The following FBXL16 variants were observed in gnomAD, a reference collection of about 807,000 sequenced individuals.
The protein encoded by FBXL16 is F-box/LRR-repeat protein 16.
In FBXL16, 7 loss-of-function variants were observed where a neutral mutation model predicts 36.7. That is an observed-to-expected ratio of 0.19 (90% CI 0.11 to 0.36). The LOEUF (loss-of-function observed/expected upper bound fraction) is 0.36. FBXL16 is among the 10% of genes least tolerant of loss of function. FBXL16 has a pLI of 1.00. For synonymous variants in FBXL16, 355 were observed against 308.7 expected (o/e 1.15, Z -1.57); for missense variants, 463 against 659.4 (o/e 0.70, Z 3.26).
At chr16:702,715 T>C (rs2040066282) in intron 1 of FBXL16, among the ~76,000 whole-genome samples, 1 of 152,124 alleles carries the variant, frequency 6.6e-6, no homozygotes, top group South Asian at 2.1e-4. Flanking sequence ...GAGAGTGGCC[T>C]CTGGGGTTGG....
chr16:704,327 G>C (rs1177637101), intron 1 of FBXL16, among the ~76,000 whole-genome samples: 1 of 152,204 alleles, frequency 6.6e-6, no homozygotes, highest in African/African-American at 2.4e-5. Flanking sequence ...GAGGCAGTGA[G>C]TCTGTCGATG....
Position 695,585 on chromosome 16 carries a change from C to A in FBXL16, c.972G>T (p.Ala324=), listed in dbSNP as rs1240423076. The part of the protein sequence containing the change: ...NVVHSLPNLT[A]LSLSGCSKVT... ...CCTTGGAGCAGCCCGAGAGGCTGAG[C>A]GCGGTGAGGTTGGGCAGGCTGTGCA... is the stretch of plus-strand genomic sequence containing the variant. Residue 324 remains alanine, a synonymous_variant, in exon 3 of 6, where the codon GCG becomes GCT. Transcript: ENST00000397621. 12 of 1,605,666 alleles carry A rather than the reference C, an allele frequency of 7.5e-6. No homozygotes were observed. The highest frequency in any genetic ancestry group is 1.0e-5 in the Non-Finnish European group (12 of 1,178,962).
chr16:700,416 G>A (rs1314588147), intron 1 of FBXL16, among the ~76,000 whole-genome samples: 2 of 152,110 alleles, frequency 1.3e-5, no homozygotes, highest in Non-Finnish European at 2.9e-5. Flanking sequence ...TCCGGAGGCC[G>A]ACATCACAAC....
rs1303116928 is a variant in FBXL16, at chr16:695,892, C to T, written c.665G>A (p.Arg222His). ...VMLEQMQGVVRLELSGCNDFT... is the reference protein window; with the variant it reads ...VMLEQMQGVVHLELSGCNDFT... Reference sequence around the variant, plus strand: ...GTCGTTGCAGCCCGACAGCTCCAGACGCACCACGCCCTGCATCTGTTCAAG... The same window carrying T: ...GTCGTTGCAGCCCGACAGCTCCAGATGCACCACGCCCTGCATCTGTTCAAG... Residue 222 changes from arginine to histidine, a missense_variant, in exon 3 of 6, where the codon CGT becomes CAT. By Grantham distance (29) the Arg-to-His change is conservative (BLOSUM62 0). Transcript: ENST00000397621. 1.3e-6 allele frequency: 2 copies of T among 1,597,344 alleles called. No homozygotes were observed. Among genetic ancestry groups the T allele is most frequent in the African/African-American group, 2.7e-5 (2 of 74,672 alleles).
intron 1 of FBXL16, among the ~76,000 whole-genome samples, chr16:705,292 C>T (rs1370595595): frequency 6.6e-6 from 1 of 152,004 alleles, no homozygotes; most frequent in Admixed American, 6.5e-5. Context: ...GGCCCTCTTC[C>T]GGGCCAGGGG....
chr16:695,184 G>T, intron 3 of FBXL16, 108 bp from the exon 4 acceptor site: 1 of 1,262,606 alleles, frequency 7.9e-7, no homozygotes, highest in Non-Finnish European at 1.1e-6. Context: ...CCCACCCGGA[G>T]CAGCCGCTGG....
chr16:704,693 G>C (rs948667332), intron 1 of FBXL16, among the ~76,000 whole-genome samples: 1 of 152,250 alleles, frequency 6.6e-6, no homozygotes, highest in South Asian at 2.1e-4. Context: ...TTGGGCCCTC[G>C]GATGCACGGG....
At chr16:704,467 C>G (rs865821805) in intron 1 of FBXL16, among the ~76,000 whole-genome samples, 2 of 152,234 alleles carry the variant, frequency 1.3e-5, no homozygotes, top group South Asian at 4.1e-4. Flanking sequence ...GAATTTCCCT[C>G]CCCTCCAGGC....
At chr16:694,830 G>C in intron 4 of FBXL16, 133 bp from the exon 5 acceptor site, 1 of 1,291,324 alleles carries the variant, frequency 7.7e-7, no homozygotes, top group South Asian at 1.4e-5. Flanking sequence ...AGGCGGCTGG[G>C]AAGTGCTCGT....
At chr16:696,111 G>A (rs770924183) in intron 2 of FBXL16, 188 bp from the exon 3 acceptor site, 1 of 799,298 alleles carries the variant, frequency 1.3e-6, no homozygotes, top group South Asian at 2.2e-5. Context: ...TGGCACCAGC[G>A]TTACAATTAG....
Position 697,815 on chromosome 16 carries a change from A to G in FBXL16, c.-14-396T>C, listed in dbSNP as rs2040026192. ...GGAGATCGAGACCATCCTGGCTAAC[A>G]CAGTGAAACACCATCTCTTCTAAAA... is the stretch of plus-strand genomic sequence containing the variant. On this transcript the variant is annotated intron_variant, in intron 1 of 5. Transcript: ENST00000397621. This position sits in a 1 kb window ranked among gnomAD's most constrained non-coding sequence, Gnocchi z 4.6. 6.6e-6 allele frequency among the ~76,000 whole-genome samples: 1 copy of G among 152,022 alleles called. No individual in the cohort carries two copies. The highest frequency in any genetic ancestry group is 6.5e-5 in the Admixed American group (1 of 15,272).
rs779329293 is a variant in FBXL16, at chr16:697,188, G to A, written c.218C>T (p.Pro73Leu). The A allele has an allele frequency of 1.8e-5, 24 of 1,325,676 alleles. No homozygotes were observed. The highest frequency in any genetic ancestry group is 4.9e-5 in the South Asian group (4 of 80,980). The allele number at this position is 1,325,676 out of a possible 1,614,324, so 82.1% of individuals were successfully genotyped here. A position where few individuals can be genotyped will look rare whatever the true frequency, so the allele number is the denominator to read the frequency against. ...PLSRAALAGG[P>L]CTPAGGPASA... ...GGCTGGTCCACCTGCCGGGGTGCAC[G>A]GGCCCCCAGCCAGGGCAGCCCGGGA... is the stretch of plus-strand genomic sequence containing the variant. The change falls in exon 2 of 6, where the codon CCG becomes CTG. Residue 73 changes from proline (P) to leucine (L), a missense_variant. Physicochemically the swap from Pro to Leu is moderately conservative, Grantham distance 98. Coordinates refer to ENST00000397621, the MANE Select transcript of FBXL16 (RefSeq NM_153350.4). The surrounding 1 kb of genome is among the most constrained non-coding windows in gnomAD (Gnocchi z 4.6).
intron 1 of FBXL16, among the ~76,000 whole-genome samples, chr16:700,401 C>T (rs1430381798): frequency 6.6e-6 from 1 of 152,160 alleles, no homozygotes; most frequent in East Asian, 1.9e-4. Flanking sequence ...TCAGAAGGCG[C>T]GGCCTCCGGA....
At position 694,308 on chromosome 16, in the gene FBXL16, C is replaced by G; in HGVS notation, c.1407G>C (p.Ser469=). The G allele has an allele frequency of 6.8e-7, 1 of 1,467,496 alleles. No homozygotes were observed. Among genetic ancestry groups the G allele is most frequent in the East Asian group, 2.7e-5 (1 of 36,838 alleles). The allele number at this position is 1,467,496 out of a possible 1,614,324, so 90.9% of individuals were successfully genotyped here. A position where few individuals can be genotyped will look rare whatever the true frequency, so the allele number is the denominator to read the frequency against. The change falls in exon 6 of 6, where the codon TCG becomes TCC. Residue 469 remains serine, a synonymous_variant. Transcript: ENST00000397621. ...TGACGAGGCAGCGGGGCAGGTGCTG[C>G]GAGAAATACTTGAAGAGCTCGGGGG... is the stretch of plus-strand genomic sequence containing the variant. ...GATPELFKYF[S]QHLPRCLVIE
intron 4 of FBXL16, 126 bp from the exon 5 acceptor site, chr16:694,823 C>T: frequency 7.7e-7 from 1 of 1,302,754 alleles, no homozygotes; most frequent in Non-Finnish European, 1.1e-6. Context: ...AGCCGGGAGG[C>T]GGCTGGGAAG....
rs187006034 is a variant in FBXL16 at position 696,021 on chromosome 16, G to C, written c.634-98C>G. The C allele has an allele frequency of 5.5e-5, 80 of 1,443,006 alleles. No individual in the cohort carries two copies. The East Asian group carries it at 1.3e-3, about 24-fold the overall frequency. The allele number at this position is 1,443,006 out of a possible 1,614,324, so 89.4% of individuals were successfully genotyped here. On this transcript the variant is annotated intron_variant, in intron 2 of 5. Transcript: ENST00000397621. ...GTAAACATGCAGGGAGCTGAACCCT[G>C]AAAACATTTGGCAGTGTGTGAGGAG...
intron 1 of FBXL16, among the ~76,000 whole-genome samples, chr16:699,621 A>G (rs1161590282): frequency 6.6e-6 from 1 of 152,158 alleles, no homozygotes; most frequent in Non-Finnish European, 1.5e-5. Flanking sequence ...TGGGAGAGTG[A>G]TGTCTGAGCC....
rs1208078969 is a variant in FBXL16 at position 693,804 on chromosome 16, C to T, written c.*471G>A. On this transcript the variant is annotated 3_prime_UTR_variant, in exon 6 of 6. Transcript: ENST00000397621. ...CTTCTGGGCCCGTGTCCTGGGGGAC[C>T]CAGCCCCCTCAATCCCACTGGGCCC... is the stretch of plus-strand genomic sequence containing the variant. The T allele has an allele frequency of 1.3e-5, 2 of 152,814 alleles. No individual in the cohort carries two copies. Among genetic ancestry groups the T allele is most frequent in the African/African-American group, 4.8e-5 (2 of 41,424 alleles). 9.5% of individuals were successfully genotyped at this position (152,814 alleles called of 1,614,324 possible).
intron 2 of FBXL16, 36 bp downstream of exon 2, chr16:696,737 C>CGGG: frequency 1.0e-6 from 1 of 982,696 alleles, no homozygotes; most frequent in Non-Finnish European, 1.4e-6. Context: ...CCCGCCCCTG[C>CGGG]CCCCCAGCCC....
Sources: allele counts gnomAD v4.1 joint callset (sites outside exome capture counted in the v4.1 genomes callset), GRCh38; gene constraint gnomAD v4.1.1; non-coding constraint Gnocchi (gnomAD v3.1); transcripts MANE v1.5; gene names NCBI Gene and HGNC (gene_info 2026-07-23, HGNC 2026-07-21).